The following USP53 variants were observed in gnomAD, a reference collection of about 807,000 sequenced individuals.
USP53 encodes the protein ubiquitin carboxyl-terminal hydrolase 53.
Under a neutral mutation model 94.9 loss-of-function variants are expected in USP53, and 71 were observed. The observed-to-expected ratio is 0.75, with a 90% CI of 0.62 to 0.91. The LOEUF (loss-of-function observed/expected upper bound fraction) is 0.91, where lower values mean the gene tolerates loss of function less well. Ranked by LOEUF, USP53 falls within the 40% of genes least tolerant of loss-of-function variation. The probability of loss-of-function intolerance (pLI) is 0.00; values close to 1 mark genes in which losing one functional copy is unlikely to be tolerated. For missense variants in USP53, 1,173 were observed against 1,281.0 expected, an observed-to-expected ratio of 0.92 and a Z score of 1.29; for synonymous variants, 375 against 422.7, an observed-to-expected ratio of 0.89 and a Z score of 1.39.
chr4:119,253,411 T>C (rs1189063664), intron 7 of USP53, among the ~76,000 whole-genome samples: 1 of 152,222 alleles, frequency 6.6e-6, no homozygotes, highest in Non-Finnish European at 1.5e-5. Flanking sequence ...CTGTATTGGG[T>C]GCATGTATAT....
At chr4:119,291,012 G>T (rs1408808333) in intron 17 of USP53, among the ~76,000 whole-genome samples, 153 bp from the exon 18 acceptor site, 1 of 151,188 alleles carries the variant, frequency 6.6e-6, no homozygotes, top group Non-Finnish European at 1.5e-5. Context: ...TTTGAGTTGG[G>T]TCTTAAAGAA....
chr4:119,245,070 T>A (rs888311154), intron 5 of USP53, among the ~76,000 whole-genome samples: 2 of 152,206 alleles, frequency 1.3e-5, no homozygotes, highest in African/African-American at 4.8e-5. Flanking sequence ...GAGGAGTTGG[T>A]TTTTCCCTGC....
intron 3 of USP53, chr4:119,218,889 A>G (rs1335923373): frequency 6.6e-6 from 1 of 152,208 alleles, no homozygotes; most frequent in Non-Finnish European, 1.5e-5. Flanking sequence ...ATATCATCAG[A>G]AAGTCCTCAG....
intron 15 of USP53, 97 bp from the exon 16 acceptor site, chr4:119,271,199 A>G: frequency 6.8e-7 from 1 of 1,479,384 alleles, no homozygotes; most frequent in Non-Finnish European, 8.9e-7. Flanking sequence ...ATTTACCTAA[A>G]ACTCTTTAAC....
rs1256050075 is a variant in USP53, at chr4:119,292,933, C to T, written c.2944C>T (p.His982Tyr). The T allele has an allele frequency of 6.2e-7, 1 of 1,613,942 alleles. No homozygotes were observed. The highest frequency in any genetic ancestry group is 8.5e-7 in the Non-Finnish European group (1 of 1,179,962). The change falls in exon 19 of 19, where the codon CAT becomes TAT. Residue 982 changes from histidine to tyrosine, a missense_variant. Transcript: ENST00000692078. ...GAGTACACATATGAATGATGAAAGA[C>T]ATAAAGAAACATTTCAAGTGAGAGA... ...EVSTHMNDERHKETFQVRECF... is the reference protein window; with the variant it reads ...EVSTHMNDERYKETFQVRECF...
intron 12 of USP53, among the ~76,000 whole-genome samples, chr4:119,266,942 A>C (rs1751200683): frequency 6.6e-6 from 1 of 152,012 alleles, no homozygotes; most frequent in Non-Finnish European, 1.5e-5. Context: ...AGTCAGGTTA[A>C]AGTTATTTTT....
At chr4:119,243,003 A>G (rs1747748409) in intron 5 of USP53, among the ~76,000 whole-genome samples, 1 of 152,204 alleles carries the variant, frequency 6.6e-6, no homozygotes, top group South Asian at 2.1e-4. Flanking sequence ...TAATGTGTGT[A>G]TAGATATGTA....
chr4:119,214,677 C>G lies in USP53; in HGVS notation c.-789+455C>G, dbSNP rs890807770. On this transcript the variant is annotated intron_variant, in intron 2 of 18. Transcript: ENST00000692078. The stretch of plus-strand genomic sequence containing the variant: ...TGCCATATGTGCTGTGATTCAAGTT[C>G]TTTTATATTGTTTAATGTTAGATGT... 2.7e-5 allele frequency among the ~76,000 whole-genome samples: 4 copies of G among 149,334 alleles called. No individual in the cohort carries two copies. The East Asian group carries it at 7.8e-4, about 29-fold the overall frequency.
intron 17 of USP53, among the ~76,000 whole-genome samples, chr4:119,282,362 T>G (rs1753603462): frequency 6.6e-6 from 1 of 151,982 alleles, no homozygotes; most frequent in Non-Finnish European, 1.5e-5. Flanking sequence ...CCTGTGGTGG[T>G]TATATGTTTA....
At chr4:119,272,766 C>G (rs17839123) in intron 16 of USP53, 3 of 152,122 alleles carry the variant, frequency 2.0e-5, no homozygotes, top group Non-Finnish European at 4.4e-5. Flanking sequence ...TAACTCAGAA[C>G]TGAAGCTAGT....
At chr4:119,284,763 A>T (rs554021136) in intron 17 of USP53, among the ~76,000 whole-genome samples, 1 of 151,978 alleles carries the variant, frequency 6.6e-6, no homozygotes, top group African/African-American at 2.4e-5. Context: ...AAATTTTGTT[A>T]TGTATATTTT....
intron 17 of USP53, among the ~76,000 whole-genome samples, chr4:119,285,357 A>G (rs1753978958): frequency 6.6e-6 from 1 of 151,914 alleles, no homozygotes; most frequent in Admixed American, 6.6e-5. Context: ...TTTATAGATC[A>G]TATGTAACAG....
At chr4:119,245,143 A>G (rs1748051937) in intron 5 of USP53, among the ~76,000 whole-genome samples, 194 bp from the exon 6 acceptor site, 2 of 152,266 alleles carry the variant, frequency 1.3e-5, no homozygotes, top group East Asian at 1.9e-4. Context: ...CAACTTTTAT[A>G]TATGCACAAC....
intron 7 of USP53, among the ~76,000 whole-genome samples, chr4:119,253,512 C>T (rs1749327352): frequency 6.6e-6 from 1 of 151,974 alleles, no homozygotes; most frequent in South Asian, 2.1e-4. Context: ...GGTTTAAAGC[C>T]TGTTTTATCA....
At position 119,260,858 on chromosome 4, in the gene USP53, G is replaced by A. The variant is rs535581807; in HGVS notation, c.822+205G>A. ...TCACTCTAAAATCATGATGATTGAT[G>A]ATTTTTTATGTATGGCCATGATTGT... On this transcript the variant is annotated intron_variant, in intron 11 of 18. Coordinates refer to ENST00000692078, the MANE Select transcript of USP53 (RefSeq NM_001371395.1). 2.7e-5 allele frequency among the ~76,000 whole-genome samples: 4 copies of A among 150,646 alleles called. No homozygotes were observed. The South Asian group carries it at 8.5e-4, about 32-fold the overall frequency.
At chr4:119,229,807 A>T (rs917226628) in intron 3 of USP53, among the ~76,000 whole-genome samples, 2 of 152,096 alleles carry the variant, frequency 1.3e-5, no homozygotes, top group Non-Finnish European at 2.9e-5. Flanking sequence ...CACAAGTCTG[A>T]TTGTAATTTC....
At chr4:119,248,434 C>A (rs930898178) in intron 6 of USP53, among the ~76,000 whole-genome samples, 2 of 144,892 alleles carry the variant, frequency 1.4e-5, no homozygotes, top group Non-Finnish European at 3.0e-5. Context: ...CAAAAGACTT[C>A]TGTATTATTT....
At chr4:119,272,221 G>T in intron 16 of USP53, 187 bp downstream of exon 16, 1 of 468,604 alleles carries the variant, frequency 2.1e-6, no homozygotes. Context: ...GGATATTGTA[G>T]TTTATTTGAT....
intron 12 of USP53, 101 bp downstream of exon 12, chr4:119,261,965 T>C (rs1750572073): frequency 1.0e-6 from 1 of 1,000,040 alleles, no homozygotes; most frequent in Admixed American, 3.6e-5. Context: ...ATATAATTAA[T>C]ATGTAAAATA....
Sources: gnomAD v4.1 joint callset for allele counts (sites outside exome capture counted in the v4.1 genomes callset) on GRCh38, gnomAD v4.1.1 for gene constraint, MANE v1.5 for transcripts, NCBI Gene and HGNC (gene_info 2026-07-23, HGNC 2026-07-21) for gene names.